EXOSC9: variants seen among roughly 807,000 people sequenced by gnomAD.
The protein encoded by EXOSC9 is exosome complex component RRP45.
In EXOSC9, 38 loss-of-function variants were observed where a neutral mutation model predicts 56.5. That is an observed-to-expected ratio of 0.67 (90% CI 0.52 to 0.88). EXOSC9 has a LOEUF of 0.88. Among genes scored for constraint, EXOSC9 ranks in the 40% least tolerant of loss-of-function variants. EXOSC9 has a pLI of 0.00. For missense variants in EXOSC9, 559 were observed against 530.5 expected (o/e 1.05, Z -0.53); for synonymous variants, 170 against 170.8 (o/e 0.99, Z 0.04).
rs1727201674 is a variant in EXOSC9, at chr4:121,811,196, C to G, written c.739-387C>G. Among the ~76,000 whole-genome samples, 2 of 151,964 alleles carry G rather than the reference C, an allele frequency of 1.3e-5. 1 individual carries two copies. Among genetic ancestry groups the G allele is most frequent in the South Asian group, 4.2e-4 (2 of 4,810 alleles). ...AGGATATAAATATATTGCACAGTGTCTAGCACACATTTATTAAGTGTGCAA... is the reference window on the plus strand; with the variant it reads ...AGGATATAAATATATTGCACAGTGTGTAGCACACATTTATTAAGTGTGCAA... On this transcript the variant is annotated intron_variant, in intron 7 of 11. Transcript: ENST00000243498.
intron 10 of EXOSC9, chr4:121,814,523 A>C (rs940833592): frequency 6.6e-5 from 10 of 152,426 alleles, no homozygotes; most frequent in African/African-American, 1.7e-4. Flanking sequence ...TCTAGACTGA[A>C]ACAAAAAGCC....
intron 5 of EXOSC9, among the ~76,000 whole-genome samples, chr4:121,806,921 A>C (rs1194633415): frequency 6.6e-6 from 1 of 152,206 alleles, no homozygotes; most frequent in African/African-American, 2.4e-5. Context: ...GAAATGTTAA[A>C]AAACTAGATT....
intron 6 of EXOSC9, chr4:121,809,755 G>T (rs1727153187): frequency 1.8e-6 from 1 of 567,162 alleles, no homozygotes; most frequent in Non-Finnish European, 3.1e-6. Flanking sequence ...TGATTTCATT[G>T]TAATAACTAG....
intron 2 of EXOSC9, 24 bp downstream of exon 2, chr4:121,801,945 A>G (rs770182806): frequency 2.0e-6 from 3 of 1,534,756 alleles, no homozygotes; most frequent in Non-Finnish European, 1.8e-6. Flanking sequence ...AATGAGATAC[A>G]CATTCGGAAG....
chr4:121,808,769 T>A (rs1727120751), intron 6 of EXOSC9, among the ~76,000 whole-genome samples: 1 of 150,396 alleles, frequency 6.6e-6, no homozygotes, highest in Admixed American at 6.6e-5. Context: ...CCTCAACCTC[T>A]CAGGCTCAAG....
intron 11 of EXOSC9, 113 bp from the exon 12 acceptor site, chr4:121,816,659 T>TA: frequency 9.1e-7 from 1 of 1,093,896 alleles, no homozygotes; most frequent in Non-Finnish European, 1.3e-6. Context: ...ATGCCAGTCT[T>TA]ACTCATAGCT....
At chr4:121,813,684 G>C (rs973305513) in intron 9 of EXOSC9, 182 bp from the exon 10 acceptor site, 1 of 528,222 alleles carries the variant, frequency 1.9e-6, no homozygotes, top group Non-Finnish European at 3.3e-6. Flanking sequence ...ATAAAATCTT[G>C]CCTGAGTTTT....
intron 2 of EXOSC9, 96 bp downstream of exon 2, chr4:121,802,017 A>G (rs1386054978): frequency 1.1e-6 from 1 of 873,856 alleles, no homozygotes; most frequent in Admixed American, 2.2e-5. Flanking sequence ...AGAAGTCTGG[A>G]CAGTATTCTT....
At chr4:121,809,602 G>A (rs1433983517) in intron 6 of EXOSC9, among the ~76,000 whole-genome samples, 2 of 152,120 alleles carry the variant, frequency 1.3e-5, no homozygotes, top group Non-Finnish European at 2.9e-5. Context: ...GAACTTTGGA[G>A]TACAGGACAT....
At chr4:121,804,942 C>G (rs1462826421) in intron 5 of EXOSC9, among the ~76,000 whole-genome samples, 183 bp downstream of exon 5, 2 of 152,222 alleles carry the variant, frequency 1.3e-5, no homozygotes, top group African/African-American at 2.4e-5. Flanking sequence ...AACCGTTCCT[C>G]TGTTGAAACA....
chr4:121,816,326 G>A lies in EXOSC9; in HGVS notation c.1157-43G>A, dbSNP rs767783960. On this transcript the variant is annotated intron_variant, in intron 10 of 11. Coordinates refer to ENST00000243498, the MANE Select transcript of EXOSC9 (RefSeq NM_005033.3). ...GTAGAAATAAATTTTGCAAGAGATT[G>A]CTTAACTTTTTTTTTTTTTTTTAAA... 22 of 1,067,410 alleles carry A rather than the reference G, an allele frequency of 2.1e-5. No individual in the cohort carries two copies. In the South Asian group the frequency reaches 2.8e-4, roughly 14 times the overall value. 66.1% of individuals were successfully genotyped at this position (1,067,410 alleles called of 1,614,324 possible).
rs373143936 is a variant in EXOSC9 at position 121,815,497 on chromosome 4, T to A, written c.1157-872T>A. 48 of 984,764 alleles carry A rather than the reference T, an allele frequency of 4.9e-5. No individual in the cohort carries two copies. The African/African-American group carries it at 7.3e-4, about 15-fold the overall frequency. The allele number at this position is 984,764 out of a possible 1,614,324, so 61.0% of individuals were successfully genotyped here. On this transcript the variant is annotated intron_variant, in intron 10 of 11. Coordinates refer to ENST00000243498, the MANE Select transcript of EXOSC9 (RefSeq NM_005033.3). ...AAACTAAAAATACAAATAATTGATA[T>A]GGGTTAATTCACATTTTATGTATAT...
intron 11 of EXOSC9, 43 bp downstream of exon 11, chr4:121,816,490 A>G (rs1724514838): frequency 2.4e-6 from 3 of 1,241,782 alleles, no homozygotes; most frequent in African/African-American, 3.1e-5. Flanking sequence ...CATATACTCA[A>G]CACTTATAGA....
chr4:121,807,172 C>T (rs559709699), intron 5 of EXOSC9, among the ~76,000 whole-genome samples: 5 of 152,224 alleles, frequency 3.3e-5, no homozygotes, highest in African/African-American at 1.2e-4. Context: ...TGCCTGTAAT[C>T]CCACCTACTT....
chr4:121,809,892 T>C, intron 6 of EXOSC9, 75 bp from the exon 7 acceptor site: 1 of 1,563,230 alleles, frequency 6.4e-7, no homozygotes, highest in Non-Finnish European at 8.8e-7. Flanking sequence ...ATGCCATCTT[T>C]TAAAAATTCA....
intron 4 of EXOSC9, among the ~76,000 whole-genome samples, chr4:121,803,633 C>T (rs984894470): frequency 6.6e-6 from 1 of 152,108 alleles, no homozygotes; most frequent in African/African-American, 2.4e-5. Context: ...CTCTGCCTCC[C>T]CTGTTCAAGC....
intron 1 of EXOSC9, 53 bp downstream of exon 1, chr4:121,801,543 G>C (rs1389471202): frequency 1.3e-6 from 2 of 1,545,740 alleles, no homozygotes; most frequent in African/African-American, 2.7e-5. Flanking sequence ...CGGGTCTCAA[G>C]GTGTGGACTG....
intron 10 of EXOSC9, 128 bp downstream of exon 10, chr4:121,814,175 T>A (rs932230272): frequency 3.4e-5 from 20 of 586,894 alleles, no homozygotes; most frequent in Non-Finnish European, 5.6e-5. Context: ...ATATAGCATA[T>A]TAGCTATATA....
At chr4:121,803,055 A>C in intron 4 of EXOSC9, 38 bp downstream of exon 4, 1 of 1,345,600 alleles carries the variant, frequency 7.4e-7, no homozygotes, top group Non-Finnish European at 1.1e-6. Context: ...CTTAGGATGA[A>C]TACTGTTGAT....
Sources: allele counts gnomAD v4.1 joint callset (sites outside exome capture counted in the v4.1 genomes callset), GRCh38; gene constraint gnomAD v4.1.1; transcripts MANE v1.5; gene names NCBI Gene and HGNC (gene_info 2026-07-23, HGNC 2026-07-21).